DPF3: variants seen among roughly 807,000 people sequenced by gnomAD.
DPF3 encodes double PHD fingers 3.
A neutral mutation model predicts 56.8 loss-of-function variants in DPF3; 18 were observed. That is an observed-to-expected ratio of 0.32 (90% CI 0.22 to 0.47). DPF3 has a LOEUF of 0.47. DPF3 is among the 20% of genes least tolerant of loss of function. The pLI is 1.00. For missense variants in DPF3, 403 were observed against 488.8 expected (o/e 0.82, Z 1.65); for synonymous variants, 188 against 180.2 (o/e 1.04, Z -0.35).
chr14:72,706,357 CAATTA>C (rs1244300479), intron 6 of DPF3, among the ~76,000 whole-genome samples: 1 of 152,212 alleles, frequency 6.6e-6, no homozygotes, highest in East Asian at 1.9e-4. Flanking sequence ...ACTGTCCCCT[CAATTA>C]AATACCGCCC....
chr14:72,805,574 G>A (rs1210518328), intron 1 of DPF3, among the ~76,000 whole-genome samples: 2 of 145,504 alleles, frequency 1.4e-5, no homozygotes, highest in Non-Finnish European at 3.0e-5. Context: ...GGCCAGGCGC[G>A]GTGGCTCACA....
At chr14:72,877,641 C>G (rs762160702) in intron 1 of DPF3, among the ~76,000 whole-genome samples, 4 of 152,156 alleles carry the variant, frequency 2.6e-5, no homozygotes, top group Non-Finnish European at 5.9e-5. Flanking sequence ...AGCCAGGCAG[C>G]CTCCATCTCT....
chr14:72,886,253 T>C (rs1225012086), intron 1 of DPF3, among the ~76,000 whole-genome samples: 1 of 152,054 alleles, frequency 6.6e-6, no homozygotes, highest in East Asian at 1.9e-4. Flanking sequence ...ATGCCTACAG[T>C]CCCAGCTACT....
chr14:72,690,128 C>A (rs1395755521), intron 7 of DPF3, among the ~76,000 whole-genome samples: 1 of 152,148 alleles, frequency 6.6e-6, no homozygotes, highest in Non-Finnish European at 1.5e-5. Context: ...GACAAGCCCA[C>A]AGAGGTGAGA....
chr14:72,843,047 A>G (rs1884615026), intron 1 of DPF3, among the ~76,000 whole-genome samples: 1 of 152,088 alleles, frequency 6.6e-6, no homozygotes, highest in Non-Finnish European at 1.5e-5. Flanking sequence ...ATAAATAAAC[A>G]TGATTAAGGA....
chr14:72,878,161 C>T (rs1248090567), intron 1 of DPF3, among the ~76,000 whole-genome samples: 2 of 152,168 alleles, frequency 1.3e-5, no homozygotes, highest in Non-Finnish European at 2.9e-5. Flanking sequence ...TCCGTGTCCA[C>T]CTTGGGACTT....
rs374972842 is a variant in DPF3, at chr14:72,669,750, G to C, written c.871+4490C>G. 1.6e-4 allele frequency among the ~76,000 whole-genome samples: 24 copies of C among 152,246 alleles called. No individual in the cohort carries two copies. The South Asian group carries it at 3.5e-3, about 22-fold the overall frequency. On this transcript the variant is annotated intron_variant, in intron 8 of 10. Transcript: ENST00000556509. ...AGACTCAGATCACACACCTATGCCA[G>C]GGCCCACATGAGTTCACATGCACAC...
intron 2 of DPF3, among the ~76,000 whole-genome samples, chr14:72,760,261 G>A (rs999654440): frequency 4.6e-5 from 7 of 152,084 alleles, no homozygotes; most frequent in Middle Eastern, 3.2e-3. Flanking sequence ...ACCTGAGGTC[G>A]GGAGTTCGAG....
At chr14:72,855,830 A>G (rs1885151060) in intron 1 of DPF3, among the ~76,000 whole-genome samples, 1 of 152,238 alleles carries the variant, frequency 6.6e-6, no homozygotes, top group South Asian at 2.1e-4. Context: ...GGGTACTCTT[A>G]GCTGAGAACT....
chr14:72,832,224 A>C (rs1051344982), intron 1 of DPF3, among the ~76,000 whole-genome samples: 6 of 152,210 alleles, frequency 3.9e-5, no homozygotes, highest in African/African-American at 1.4e-4. Context: ...TTCTTTAAAA[A>C]AAATTAAAAT....
intron 4 of DPF3, among the ~76,000 whole-genome samples, chr14:72,729,924 T>A (rs191500709): frequency 6.6e-6 from 1 of 152,198 alleles, no homozygotes. Context: ...CTTTGAACAT[T>A]GGGTGATAAT....
rs947169776 is a variant in DPF3, at chr14:72,892,077, TA to T, written c.32+1979del. The T allele has an allele frequency of 1.5e-5, 22 of 1,476,504 alleles. No individual in the cohort carries two copies. The African/African-American group carries it at 3.0e-4, about 20-fold the overall frequency. 91.5% of individuals were successfully genotyped at this position (1,476,504 alleles called of 1,614,324 possible). A position where few individuals can be genotyped will look rare whatever the true frequency, so the allele number is the denominator to read the frequency against. ...GAGTAGGGGAACACAAGCTTAGAGA[TA>T]CTGCGCCCGCCCGCGCGAAAGCGGG... On this transcript the variant is annotated intron_variant, in intron 1 of 10. Transcript: ENST00000556509.
At chr14:72,740,591 G>A (rs184370537) in intron 3 of DPF3, among the ~76,000 whole-genome samples, 32 of 152,342 alleles carry the variant, frequency 2.1e-4, no homozygotes, top group East Asian at 1.9e-3. Context: ...TGGTGTCAAT[G>A]CAAAGTGGGC....
chr14:72,890,258 A>T (rs1198550347), intron 1 of DPF3, among the ~76,000 whole-genome samples: 2 of 152,134 alleles, frequency 1.3e-5, no homozygotes, highest in Non-Finnish European at 2.9e-5. Context: ...TGGGAGGCCA[A>T]GGCAGGCAGA....
chr14:72,813,243 G>A (rs914044381), intron 1 of DPF3, among the ~76,000 whole-genome samples: 28 of 152,222 alleles, frequency 1.8e-4, no homozygotes, highest in South Asian at 6.2e-4. Context: ...AATTCCTTCC[G>A]GGAGCCGTCT....
intron 1 of DPF3, among the ~76,000 whole-genome samples, chr14:72,892,954 AGG>A (rs1886815682): frequency 5.8e-5 from 1 of 17,270 alleles, no homozygotes; most frequent in South Asian, 1.7e-3. Flanking sequence ...GAAGGAAGGA[AGG>A]AAGGAAGGAA....
At chr14:72,782,725 T>A (rs999198047) in intron 1 of DPF3, among the ~76,000 whole-genome samples, 1 of 151,688 alleles carries the variant, frequency 6.6e-6, no homozygotes. Context: ...CCCAGCTACA[T>A]GGGAGGCTGA....
chr14:72,742,579 AG>A (rs1248315488), intron 3 of DPF3: 2 of 152,452 alleles, frequency 1.3e-5, no homozygotes, highest in Non-Finnish European at 2.9e-5. Context: ...CATCAATCTC[AG>A]GTTACATGCT....
intron 2 of DPF3, among the ~76,000 whole-genome samples, chr14:72,758,725 C>A (rs1286908305): frequency 6.6e-6 from 1 of 152,152 alleles, no homozygotes; most frequent in Non-Finnish European, 1.5e-5. Context: ...GTAGAAAGAT[C>A]TTGCCTCACT....
Sources: gnomAD v4.1 joint callset for allele counts (sites outside exome capture counted in the v4.1 genomes callset) on GRCh38, gnomAD v4.1.1 for gene constraint, MANE v1.5 for transcripts, NCBI Gene and HGNC (gene_info 2026-07-23, HGNC 2026-07-21) for gene names.